PTPRD: variants seen among roughly 807,000 people sequenced by gnomAD.
PTPRD encodes protein tyrosine phosphatase receptor type D.
PTPRD carries 34 observed loss-of-function variants against 214.5 expected under a neutral mutation model. The ratio of observed to expected loss-of-function variants is 0.16; its 90% CI spans 0.12 to 0.21. The LOEUF is 0.21. Among genes scored for constraint, PTPRD ranks in the 10% least tolerant of loss-of-function variants. The pLI, the probability that PTPRD is intolerant of heterozygous loss-of-function variation, is 1.00. For synonymous variants in PTPRD, 1,128 were observed against 845.7 expected, an observed-to-expected ratio of 1.33 and a Z score of -5.79; for missense variants, 2,545 against 2,398.7, an observed-to-expected ratio of 1.06 and a Z score of -1.27.
chr9:9,512,963 AG>A lies in PTPRD; in HGVS notation c.-237+61768del, dbSNP rs370992530. ...ATTCTTTCAATGATAATAACAATTTAGGAAATAAATTCATTTCTTCCTTTTA... is the reference window on the plus strand; with the variant it reads ...ATTCTTTCAATGATAATAACAATTTAGAAATAAATTCATTTCTTCCTTTTA... On this transcript the variant is annotated intron_variant, in intron 8 of 45. Transcript: ENST00000381196. 2.3e-4 allele frequency among the ~76,000 whole-genome samples: 35 copies of A among 151,926 alleles called. No homozygotes were observed. In the East Asian group the frequency reaches 5.6e-3, roughly 24 times the overall value.
rs868175553 is a variant in PTPRD, at chr9:9,936,879, G to A, written c.-368+1628C>T. Among the ~76,000 whole-genome samples, 620 of 145,548 alleles carry A rather than the reference G, an allele frequency of 4.3e-3. 7 individuals are homozygous for A. The highest frequency in any genetic ancestry group is 0.015 in the African/African-American group (576 of 38,368). On this transcript the variant is annotated intron_variant, in intron 5 of 45. Transcript: ENST00000381196. ...AGAAAATGTGGCACATATACACCAT[G>A]GAATACTATGCAGCCATAAAAAATG...
intron 10 of PTPRD, among the ~76,000 whole-genome samples, chr9:9,146,156 G>A (rs761461741): frequency 2.6e-5 from 4 of 152,152 alleles, no homozygotes; most frequent in Non-Finnish European, 4.4e-5. Context: ...GAACAGAAGT[G>A]ATCCAGAATA....
intron 8 of PTPRD, among the ~76,000 whole-genome samples, chr9:9,430,370 G>A (rs759801834): frequency 1.2e-4 from 18 of 151,240 alleles, no homozygotes; most frequent in Admixed American, 2.0e-4. Context: ...TCTTCAAGGA[G>A]AACTACAAAC....
At chr9:9,686,314 A>G (rs948325914) in intron 7 of PTPRD, among the ~76,000 whole-genome samples, 1 of 151,370 alleles carries the variant, frequency 6.6e-6, no homozygotes. Context: ...TAAAAATTCT[A>G]TATTTAAACT....
chr9:10,486,121 A>AT (rs2099131385), intron 2 of PTPRD, among the ~76,000 whole-genome samples: 1 of 151,444 alleles, frequency 6.6e-6, no homozygotes, highest in Admixed American at 6.6e-5. Flanking sequence ...ATTTTCTCCC[A>AT]TTCTGTAGGT....
At chr9:10,308,775 C>T (rs745528070) in intron 3 of PTPRD, among the ~76,000 whole-genome samples, 12 of 152,068 alleles carry the variant, frequency 7.9e-5, no homozygotes, top group African/African-American at 1.4e-4. Context: ...TTTTCACCTC[C>T]TCAAGCAGTT....
chr9:8,727,819 T>G (rs968460212), intron 12 of PTPRD, among the ~76,000 whole-genome samples: 16 of 151,918 alleles, frequency 1.1e-4, no homozygotes, highest in African/African-American at 3.9e-4. Context: ...CAACTGGCTG[T>G]TTTTTTTCCT....
chr9:8,988,872 C>A (rs892775419), intron 11 of PTPRD, among the ~76,000 whole-genome samples: 7 of 152,052 alleles, frequency 4.6e-5, no homozygotes, highest in Non-Finnish European at 7.4e-5. Flanking sequence ...GAAGTAATGT[C>A]AGTCCTTAGA....
chr9:9,250,999 T>C (rs143933200), intron 9 of PTPRD, among the ~76,000 whole-genome samples: 1 of 152,066 alleles, frequency 6.6e-6, no homozygotes, highest in African/African-American at 2.4e-5. Context: ...TGTATTACAT[T>C]TGAAATTGAC....
chr9:9,859,936 A>G (rs903769679), intron 5 of PTPRD, among the ~76,000 whole-genome samples: 5 of 152,206 alleles, frequency 3.3e-5, no homozygotes, highest in African/African-American at 1.2e-4. Context: ...AACTTAGAAA[A>G]CAGAATATTT....
At chr9:9,577,144 A>T (rs1253699720) in intron 7 of PTPRD, among the ~76,000 whole-genome samples, 2 of 152,206 alleles carry the variant, frequency 1.3e-5, no homozygotes, top group Non-Finnish European at 2.9e-5. Context: ...TTCCAAGGAC[A>T]AATCCAAATC....
At chr9:8,934,588 C>T (rs972328284) in intron 11 of PTPRD, among the ~76,000 whole-genome samples, 1 of 139,366 alleles carries the variant, frequency 7.2e-6, no homozygotes, top group African/African-American at 2.7e-5. Context: ...CAGCATCAAG[C>T]TAATTAATAT....
At chr9:10,083,012 C>T (rs1243618038) in intron 3 of PTPRD, among the ~76,000 whole-genome samples, 1 of 151,860 alleles carries the variant, frequency 6.6e-6, no homozygotes, top group African/African-American at 2.4e-5. Flanking sequence ...AGACTTTCTC[C>T]CTCTTTAATT....
At chr9:9,284,932 A>C (rs1668076908) in intron 9 of PTPRD, among the ~76,000 whole-genome samples, 1 of 151,780 alleles carries the variant, frequency 6.6e-6, no homozygotes, top group South Asian at 2.1e-4. Context: ...CTATTTGCCT[A>C]TTCTTTTTTG....
At chr9:9,080,356 G>T (rs1435864977) in intron 10 of PTPRD, among the ~76,000 whole-genome samples, 1 of 151,990 alleles carries the variant, frequency 6.6e-6, no homozygotes, top group African/African-American at 2.4e-5. Flanking sequence ...AAACGGTTGT[G>T]CTCAAAAAGG....
chr9:10,573,107 G>A (rs1201990911), intron 2 of PTPRD, among the ~76,000 whole-genome samples: 2 of 152,002 alleles, frequency 1.3e-5, no homozygotes, highest in Non-Finnish European at 1.5e-5. Flanking sequence ...GTGAGTATAC[G>A]AGTAGTCCCC....
chr9:10,063,372 T>C (rs1022598471), intron 3 of PTPRD, among the ~76,000 whole-genome samples: 1 of 152,050 alleles, frequency 6.6e-6, no homozygotes, highest in Non-Finnish European at 1.5e-5. Flanking sequence ...CAAATTGGGT[T>C]CAATTATACA....
intron 44 of PTPRD, among the ~76,000 whole-genome samples, chr9:8,321,669 T>C (rs536810788): frequency 5.1e-4 from 78 of 151,662 alleles, no homozygotes; most frequent in African/African-American, 1.8e-3. Flanking sequence ...AGAAGATGTA[T>C]TAAATTAAAG....
chr9:10,184,025 T>C (rs1564381271), intron 3 of PTPRD, among the ~76,000 whole-genome samples: 1 of 152,198 alleles, frequency 6.6e-6, no homozygotes, highest in Non-Finnish European at 1.5e-5. Context: ...TATACATCTC[T>C]TAGATCTAAA....
Sources: gnomAD v4.1 joint callset for allele counts (sites outside exome capture counted in the v4.1 genomes callset) on GRCh38, gnomAD v4.1.1 for gene constraint, MANE v1.5 for transcripts, NCBI Gene and HGNC (gene_info 2026-07-23, HGNC 2026-07-21) for gene names.